TDRD7: variants seen among roughly 807,000 people sequenced by gnomAD.
TDRD7 encodes tudor domain containing 7, also known as tudor domain-containing protein 7.
Under a neutral mutation model 109.8 loss-of-function variants are expected in TDRD7, and 47 were observed. The ratio of observed to expected loss-of-function variants is 0.43; its 90% CI spans 0.34 to 0.55. The LOEUF (loss-of-function observed/expected upper bound fraction) is 0.55, where lower values mean the gene tolerates loss of function less well. Among genes scored for constraint, TDRD7 ranks in the 20% least tolerant of loss-of-function variants. The pLI, the probability that TDRD7 is intolerant of heterozygous loss-of-function variation, is 0.03. For synonymous variants in TDRD7, 424 were observed against 457.3 expected (o/e 0.93, Z 0.93); for missense variants, 1,164 against 1,319.2 (o/e 0.88, Z 1.82).
intron 13 of TDRD7, chr9:97,480,534 ATC>A (rs1829098666): frequency 5.0e-6 from 2 of 398,654 alleles, no homozygotes; most frequent in South Asian, 4.5e-5. Flanking sequence ...CCATTTCCCC[ATC>A]TGTGAAATGG....
chr9:97,419,134 G>A (rs549267982), intron 1 of TDRD7, among the ~76,000 whole-genome samples: 27 of 152,270 alleles, frequency 1.8e-4, no homozygotes, highest in African/African-American at 5.5e-4. Context: ...TATGTAATGC[G>A]TATGTAGCTG....
At chr9:97,429,238 A>G (rs1828059227) in intron 2 of TDRD7, among the ~76,000 whole-genome samples, 1 of 152,232 alleles carries the variant, frequency 6.6e-6, no homozygotes, top group Admixed American at 6.5e-5. Context: ...CCTCTCTGGA[A>G]GAACACAGTT....
intron 13 of TDRD7, among the ~76,000 whole-genome samples, chr9:97,479,831 C>T (rs944028016): frequency 6.6e-6 from 1 of 152,218 alleles, no homozygotes; most frequent in African/African-American, 2.4e-5. Context: ...TAGCTTCTCT[C>T]TTGACAAATT....
Position 97,482,884 on chromosome 9 carries a change from T to G in TDRD7, c.2448T>G (p.His816Gln), listed in dbSNP as rs1829138881. Residue 816 changes from histidine to glutamine, a missense_variant, in exon 15 of 17, where the codon CAT becomes CAG. Around this residue, in one of 5 missense-constraint regions of TDRD7, gnomAD observed 233 missense variants for 218.0 expected, o/e 1.07. Coordinates refer to ENST00000355295, the MANE Select transcript of TDRD7 (RefSeq NM_014290.3). ...TKVDETRGIA[H>Q]VYLFTPKNFP... ...TGGATGAAACCAGAGGGATCGCACA[T>G]GTTTATTTATTTACCCCTAAGAACT... 7 of 1,614,036 alleles carry G rather than the reference T, an allele frequency of 4.3e-6. No individual in the cohort carries two copies. The highest frequency in any genetic ancestry group is 4.2e-6 in the Non-Finnish European group (5 of 1,179,978).
intron 2 of TDRD7, among the ~76,000 whole-genome samples, chr9:97,430,622 G>A (rs1343028941): frequency 6.6e-6 from 1 of 152,132 alleles, no homozygotes; most frequent in African/African-American, 2.4e-5. Context: ...TTATACATCA[G>A]ATCATAGGTT....
At chr9:97,441,436 T>C (rs546971942) in intron 5 of TDRD7, among the ~76,000 whole-genome samples, 1 of 152,290 alleles carries the variant, frequency 6.6e-6, no homozygotes, top group Non-Finnish European at 1.5e-5. Context: ...GTTCCCTCTT[T>C]GGGTGTTTCT....
At chr9:97,452,589 A>G (rs1828518337) in intron 6 of TDRD7, among the ~76,000 whole-genome samples, 1 of 152,218 alleles carries the variant, frequency 6.6e-6, no homozygotes, top group Non-Finnish European at 1.5e-5. Context: ...TGCTGAGGGA[A>G]AAAATCTGTC....
chr9:97,438,905 T>C (rs1247032739), intron 4 of TDRD7, among the ~76,000 whole-genome samples: 1 of 152,320 alleles, frequency 6.6e-6, no homozygotes, highest in Non-Finnish European at 1.5e-5. Flanking sequence ...TATTCCAAAA[T>C]GTTCTTTGTT....
At chr9:97,449,695 C>T (rs1828459126) in intron 6 of TDRD7, among the ~76,000 whole-genome samples, 1 of 152,170 alleles carries the variant, frequency 6.6e-6, no homozygotes, top group Admixed American at 6.5e-5. Context: ...TGGTGATCAG[C>T]TTGACCTTCA....
intron 11 of TDRD7, among the ~76,000 whole-genome samples, chr9:97,473,993 T>C (rs1300453980): frequency 1.3e-5 from 2 of 152,316 alleles, no homozygotes; most frequent in East Asian, 3.9e-4. Context: ...CTGACTCTTC[T>C]GCCTTAGGCA....
At chr9:97,486,128 C>G (rs1200190755) in intron 15 of TDRD7, among the ~76,000 whole-genome samples, 1 of 152,162 alleles carries the variant, frequency 6.6e-6, no homozygotes, top group African/African-American at 2.4e-5. Context: ...GCTTGCTGTT[C>G]TGGTGGGCTT....
At position 97,460,286 on chromosome 9, in the gene TDRD7, C is replaced by T; in HGVS notation, c.964C>T (p.Pro322Ser). The change falls in exon 7 of 17, where the codon CCT becomes TCT. Residue 322 changes from proline (P) to serine (S), a missense_variant. Around this residue, in one of 5 missense-constraint regions of TDRD7, gnomAD observed 407 missense variants for 394.0 expected, o/e 1.03. Coordinates refer to ENST00000355295, the MANE Select transcript of TDRD7 (RefSeq NM_014290.3). Reference sequence around the variant, plus strand: ...TGAGAAAGTACCTCTATCCCCACTACCTGGTCCCAAACAAACACCACCGTT... The same window carrying T: ...TGAGAAAGTACCTCTATCCCCACTATCTGGTCCCAAACAAACACCACCGTT... ...DTEKVPLSPL[P>S]GPKQTPPLKG... The T allele has an allele frequency of 1.9e-6, 3 of 1,614,214 alleles. No homozygotes were observed. Among genetic ancestry groups the T allele is most frequent in the Non-Finnish European group, 2.5e-6 (3 of 1,180,040 alleles).
At chr9:97,416,507 T>C (rs906214351) in intron 1 of TDRD7, among the ~76,000 whole-genome samples, 6 of 152,206 alleles carry the variant, frequency 3.9e-5, no homozygotes, top group Non-Finnish European at 5.9e-5. Flanking sequence ...TTTACTAATA[T>C]TCAAGCCGTG....
chr9:97,423,786 T>C (rs1470579328), intron 1 of TDRD7, among the ~76,000 whole-genome samples: 1 of 152,156 alleles, frequency 6.6e-6, no homozygotes, highest in Non-Finnish European at 1.5e-5. Flanking sequence ...TAGAAGTATC[T>C]TGTTAAATTT....
chr9:97,419,056 G>A (rs141256283), intron 1 of TDRD7, among the ~76,000 whole-genome samples: 61 of 152,276 alleles, frequency 4.0e-4, no homozygotes, highest in Middle Eastern at 3.4e-3. Flanking sequence ...AATTTGAGTC[G>A]TTTACACTGG....
At position 97,478,583 on chromosome 9, in the gene TDRD7, T is replaced by A. The variant is rs1829063414; in HGVS notation, c.2301+10T>A. On this transcript the variant is annotated intron_variant, in intron 13 of 16. Coordinates refer to ENST00000355295, the MANE Select transcript of TDRD7 (RefSeq NM_014290.3). ...TGCAATACCACCTCAGGTACTATGTTACCAGCCTGGGAGATTTGCTGGAAC... is the reference window on the plus strand; with the variant it reads ...TGCAATACCACCTCAGGTACTATGTAACCAGCCTGGGAGATTTGCTGGAAC... 1 of 1,613,704 alleles carries A rather than the reference T, an allele frequency of 6.2e-7. No homozygotes were observed. Among genetic ancestry groups the A allele is most frequent in the African/African-American group, 1.3e-5 (1 of 75,032 alleles).
chr9:97,483,117 G>A lies in TDRD7; in HGVS notation c.2681G>A (p.Ser894Asn), dbSNP rs764427678. ...AAAAAGTCCATGGTGGACCATACGAGCGCTTTCTCCACAGAGGAACTGCCA... is the reference window on the plus strand; with the variant it reads ...AAAAAGTCCATGGTGGACCATACGAACGCTTTCTCCACAGAGGAACTGCCA... ...VIKKSMVDHT[S>N]AFSTEELPPP... Residue 894 changes from serine to asparagine, a missense_variant, in exon 15 of 17, where the codon AGC becomes AAC. Ser to Asn is a conservative substitution (Grantham distance 46). Around this residue, in one of 5 missense-constraint regions of TDRD7, gnomAD observed 233 missense variants for 218.0 expected, o/e 1.07. Coordinates refer to ENST00000355295, the MANE Select transcript of TDRD7 (RefSeq NM_014290.3). 2.5e-6 allele frequency: 4 copies of A among 1,614,050 alleles called. No individual in the cohort carries two copies. The highest frequency in any genetic ancestry group is 1.1e-5 in the South Asian group (1 of 91,096).
At chr9:97,479,694 T>G (rs1437919624) in intron 13 of TDRD7, among the ~76,000 whole-genome samples, 1 of 152,174 alleles carries the variant, frequency 6.6e-6, no homozygotes, top group Non-Finnish European at 1.5e-5. Flanking sequence ...ACCAAACTGA[T>G]GGACTGTAAG....
intron 9 of TDRD7, among the ~76,000 whole-genome samples, 167 bp from the exon 10 acceptor site, chr9:97,472,126 A>G (rs1266709709): frequency 1.3e-5 from 2 of 152,114 alleles, no homozygotes; most frequent in Non-Finnish European, 2.9e-5. Context: ...TTTTTTTAAA[A>G]CCTAAGAGGT....
Sources: allele counts gnomAD v4.1 joint callset (sites outside exome capture counted in the v4.1 genomes callset), GRCh38; gene constraint gnomAD v4.1.1; regional missense constraint gnomAD v4.1.1; transcripts MANE v1.5; gene names NCBI Gene and HGNC (gene_info 2026-07-23, HGNC 2026-07-21).